DIP2C: variants seen among roughly 807,000 people sequenced by gnomAD.
DIP2C encodes disco-interacting protein 2 homolog C.
A neutral mutation model predicts 192.4 loss-of-function variants in DIP2C; 33 were observed. The observed-to-expected ratio is 0.17, with a 90% CI of 0.13 to 0.23. The LOEUF (loss-of-function observed/expected upper bound fraction) is 0.23, where lower values mean the gene tolerates loss of function less well. Among genes scored for constraint, DIP2C ranks in the 10% least tolerant of loss-of-function variants. The pLI, the probability that DIP2C is intolerant of heterozygous loss-of-function variation, is 1.00. For synonymous variants in DIP2C, 979 were observed against 864.1 expected, an observed-to-expected ratio of 1.13 and a Z score of -2.33; for missense variants, 1,537 against 2,110.1, an observed-to-expected ratio of 0.73 and a Z score of 5.32.
At chr10:596,024 C>G (rs1851679991) in intron 1 of DIP2C, among the ~76,000 whole-genome samples, 1 of 152,174 alleles carries the variant, frequency 6.6e-6, no homozygotes, top group African/African-American at 2.4e-5. Flanking sequence ...GGGTGACTGC[C>G]TGTGCTCAGA....
intron 2 of DIP2C, among the ~76,000 whole-genome samples, chr10:473,084 G>T (rs1201074770): frequency 6.6e-6 from 1 of 152,118 alleles, no homozygotes; most frequent in East Asian, 1.9e-4. Context: ...TACTCCATTG[G>T]ATGCCAAGTG....
intron 16 of DIP2C, among the ~76,000 whole-genome samples, chr10:383,680 T>A (rs181631544): frequency 6.6e-6 from 1 of 152,268 alleles, no homozygotes; most frequent in African/African-American, 2.4e-5. Flanking sequence ...TTCATCCTCA[T>A]GAAAATTTAT....
At position 277,429 on chromosome 10, in the gene DIP2C, C is replaced by T. The variant is rs150381065; in HGVS notation, c.4567G>A (p.Gly1523Ser). 1.3e-5 allele frequency: 21 copies of T among 1,614,124 alleles called. No homozygotes were observed. Among genetic ancestry groups the T allele is most frequent in the African/African-American group, 2.7e-5 (2 of 75,012 alleles). ...IVGVVVVVDI[G>S]VIPINSRGEK... ...CCACGGGAGTTGATGGGGATGACGC[C>T]GATGTCCACCACGACCACCACTCCG... Residue 1523 changes from glycine (G) to serine (S), a missense_variant, in exon 37 of 37, where the codon GGC becomes AGC. This residue lies in a region of DIP2C where 341 missense variants were observed against 551.7 expected (regional missense o/e 0.62). Coordinates refer to ENST00000280886, the MANE Select transcript of DIP2C (RefSeq NM_014974.3).
At chr10:307,795 G>T (rs1956391859) in intron 32 of DIP2C, among the ~76,000 whole-genome samples, 1 of 151,986 alleles carries the variant, frequency 6.6e-6, no homozygotes, top group South Asian at 2.1e-4. Context: ...CCATCTGGAG[G>T]GCAGCAGGGA....
intron 17 of DIP2C, among the ~76,000 whole-genome samples, chr10:374,233 T>C (rs557308042): frequency 6.6e-6 from 1 of 152,336 alleles, no homozygotes; most frequent in East Asian, 1.9e-4. Flanking sequence ...GCTGGAAATG[T>C]ATCTGTAATA....
intron 1 of DIP2C, among the ~76,000 whole-genome samples, chr10:603,605 T>C (rs1301925918): frequency 1.3e-5 from 2 of 152,200 alleles, no homozygotes; most frequent in East Asian, 1.9e-4. Flanking sequence ...TGTCCAACTA[T>C]CTGTTCTGCC....
chr10:282,693 G>A (rs1954896361), intron 35 of DIP2C, among the ~76,000 whole-genome samples: 1 of 152,228 alleles, frequency 6.6e-6, no homozygotes, highest in East Asian at 1.9e-4. Flanking sequence ...CTCCTCTGAT[G>A]GGGCAAAGGC....
At chr10:554,990 G>A (rs1244434029) in intron 1 of DIP2C, among the ~76,000 whole-genome samples, 1 of 152,104 alleles carries the variant, frequency 6.6e-6, no homozygotes, top group Non-Finnish European at 1.5e-5. Context: ...GAGTCTCACA[G>A]TACAGAAATA....
intron 24 of DIP2C, among the ~76,000 whole-genome samples, chr10:352,223 A>G (rs575905397): frequency 2.6e-5 from 4 of 152,348 alleles, no homozygotes; most frequent in South Asian, 2.1e-4. Context: ...GGGTCCTGAG[A>G]TTTGAGAGGC....
chr10:316,275 A>G lies in DIP2C; in HGVS notation c.3925-6183T>C, dbSNP rs1956768965. Among the ~76,000 whole-genome samples, 6 of 152,374 alleles carry G rather than the reference A, an allele frequency of 3.9e-5. No individual in the cohort carries two copies. The South Asian group carries it at 1.2e-3, about 32-fold the overall frequency. ...AAGATTGTATTTAAAAGAACAGTAA[A>G]GATTAAATAACATTTACCCCCAGAA... On this transcript the variant is annotated intron_variant, in intron 31 of 36. Transcript: ENST00000280886.
intron 18 of DIP2C, among the ~76,000 whole-genome samples, chr10:367,725 C>G (rs576154206): frequency 1.2e-4 from 18 of 152,374 alleles, no homozygotes; most frequent in Non-Finnish European, 2.1e-4. Flanking sequence ...TTAGTGCCCC[C>G]ACAAGGTAGC....
intron 22 of DIP2C, among the ~76,000 whole-genome samples, chr10:359,037 C>T (rs764731439): frequency 2.0e-5 from 3 of 152,098 alleles, no homozygotes; most frequent in Non-Finnish European, 2.9e-5. Context: ...TTAGTTACTG[C>T]ACAAGCAGGG....
rs924754831 is a variant in DIP2C, at chr10:275,850, G to C, written c.*1475C>G. 1.3e-5 allele frequency: 2 copies of C among 152,266 alleles called. No individual in the cohort carries two copies. The highest frequency in any genetic ancestry group is 4.8e-5 in the African/African-American group (2 of 41,460). The allele number at this position is 152,266 out of a possible 1,614,324, so 9.4% of individuals were successfully genotyped here. A position where few individuals can be genotyped will look rare whatever the true frequency, so the allele number is the denominator to read the frequency against. On this transcript the variant is annotated 3_prime_UTR_variant, in exon 37 of 37. Coordinates refer to ENST00000280886, the MANE Select transcript of DIP2C (RefSeq NM_014974.3). ...CCACAGGCGGCAAACGACGCAGCTG[G>C]AGGACTTCTTGCTTCAGCCGGAGCT...
At chr10:391,400 T>C (rs889892230) in intron 10 of DIP2C, among the ~76,000 whole-genome samples, 2 of 152,222 alleles carry the variant, frequency 1.3e-5, no homozygotes, top group Non-Finnish European at 1.5e-5. Context: ...AGCAGCCCAG[T>C]CTCAACGAAC....
At chr10:463,181 A>G (rs929700373) in intron 3 of DIP2C, among the ~76,000 whole-genome samples, 3 of 152,256 alleles carry the variant, frequency 2.0e-5, no homozygotes, top group East Asian at 1.9e-4. Context: ...AAGAAAGGGT[A>G]TTCAAATAGG....
chr10:656,033 T>C (rs1856284531), intron 1 of DIP2C, among the ~76,000 whole-genome samples: 1 of 146,710 alleles, frequency 6.8e-6, no homozygotes, highest in Non-Finnish European at 1.5e-5. Context: ...TGCTACCCTA[T>C]AGAACACTCT....
chr10:376,975 T>C (rs1298694349), intron 17 of DIP2C, among the ~76,000 whole-genome samples: 2 of 152,180 alleles, frequency 1.3e-5, no homozygotes, highest in Non-Finnish European at 2.9e-5. Flanking sequence ...AAAGATACAA[T>C]GTAAAAGCAG....
intron 17 of DIP2C, among the ~76,000 whole-genome samples, chr10:375,675 T>C (rs10736974): frequency 0.99 from 151,270 of 152,264 alleles, 75,149 homozygotes; most frequent in Middle Eastern, 1. Context: ...TGAACACATC[T>C]GCAGTTTGCT....
chr10:532,044 G>A (rs1055962008), intron 1 of DIP2C, among the ~76,000 whole-genome samples: 1 of 152,208 alleles, frequency 6.6e-6, no homozygotes, highest in Non-Finnish European at 1.5e-5. Context: ...GCTGTTCCAA[G>A]TATGACGAGT....
Sources: gnomAD v4.1 joint callset for allele counts (sites outside exome capture counted in the v4.1 genomes callset) on GRCh38, gnomAD v4.1.1 for gene constraint, gnomAD v4.1.1 regional missense constraint, MANE v1.5 for transcripts, NCBI Gene and HGNC (gene_info 2026-07-23, HGNC 2026-07-21) for gene names.